The following CD36 variants were observed in gnomAD, a reference collection of about 807,000 sequenced individuals.
CD36 encodes the protein platelet glycoprotein 4.
CD36 carries 119 observed loss-of-function variants against 55.2 expected under a neutral mutation model. The observed-to-expected ratio is 2.15, with a 90% CI of 1.86 to 2.51. The LOEUF (loss-of-function observed/expected upper bound fraction) is 2.51. Ranked by LOEUF, CD36 falls within the 30% of genes most tolerant of loss-of-function variation. The pLI, the probability that CD36 is intolerant of heterozygous loss-of-function variation, is 0.00. For synonymous variants in CD36, 186 were observed against 193.6 expected, an observed-to-expected ratio of 0.96 and a Z score of 0.33; for missense variants, 819 against 555.5, an observed-to-expected ratio of 1.47 and a Z score of -4.77.
intron 12 of CD36, 60 bp from the exon 13 acceptor site, chr7:80,673,295 A>AGTTT: frequency 1.3e-6 from 1 of 764,396 alleles, no homozygotes; most frequent in African/African-American, 1.8e-5. Context: ...TTTATTTTAA[A>AGTTT]GTTTGTTATA....
intron 3 of CD36, among the ~76,000 whole-genome samples, chr7:80,650,022 A>AT (rs1795478478): frequency 1.3e-5 from 2 of 152,110 alleles, no homozygotes; most frequent in African/African-American, 2.4e-5. Flanking sequence ...AGAAGGGGGA[A>AT]TTAAATCAAT....
chr7:80,673,022 G>A (rs527675554), intron 12 of CD36, 179 bp downstream of exon 12: 32 of 592,830 alleles, frequency 5.4e-5, no homozygotes, highest in African/African-American at 5.4e-4. Context: ...TTTTGGAATG[G>A]TTTTATGGTT....
At chr7:80,662,014 TCAG>T (rs1186202552) in intron 5 of CD36, among the ~76,000 whole-genome samples, 1 of 152,152 alleles carries the variant, frequency 6.6e-6, no homozygotes, top group African/African-American at 2.4e-5. Flanking sequence ...TACAATTTCT[TCAG>T]CAAGCTCAGC....
chr7:80,649,835 G>C (rs1795461910), intron 3 of CD36, among the ~76,000 whole-genome samples: 1 of 151,852 alleles, frequency 6.6e-6, no homozygotes, highest in Admixed American at 6.6e-5. Context: ...AGTAGAAAAG[G>C]AAAAGAATGA....
chr7:80,603,247 G>A (rs1792342522), intron 1 of CD36, among the ~76,000 whole-genome samples: 1 of 151,906 alleles, frequency 6.6e-6, no homozygotes, highest in South Asian at 2.1e-4. Context: ...AAAAAGAAAA[G>A]CAGTTCCTTC....
chr7:80,614,477 G>A lies in CD36; in HGVS notation c.-184+12098G>A, dbSNP rs534900007. ...TTAGTTTACTCATTCCTTCTTCCTA[G>A]TAAGGTTCTTCTTTACTTGAGTCCA... is the stretch of plus-strand genomic sequence containing the variant. On this transcript the variant is annotated intron_variant, in intron 1 of 13. Coordinates refer to the CD36 transcript ENST00000309881. Among the ~76,000 whole-genome samples, 29 of 152,250 alleles carry A rather than the reference G, an allele frequency of 1.9e-4. No homozygotes were observed. The South Asian group carries it at 6.0e-3, about 32-fold the overall frequency.
intron 1 of CD36, among the ~76,000 whole-genome samples, chr7:80,614,462 C>T (rs565945898): frequency 8.2e-4 from 125 of 152,328 alleles, no homozygotes; most frequent in African/African-American, 2.9e-3. Flanking sequence ...TTAGTTTACT[C>T]ATTCCTTCTT....
At chr7:80,645,005 G>C (rs1209623704) in intron 1 of CD36, among the ~76,000 whole-genome samples, 1 of 140,452 alleles carries the variant, frequency 7.1e-6, no homozygotes, top group Non-Finnish European at 1.5e-5. Flanking sequence ...TTCACAAACT[G>C]TATTCTTTCT....
intron 10 of CD36, 45 bp from the exon 11 acceptor site, chr7:80,671,877 G>T: frequency 6.4e-7 from 1 of 1,574,592 alleles, no homozygotes. Context: ...TATGTGAAAT[G>T]AAGGAAGTTA....
At chr7:80,619,783 T>A (rs1208922899) in intron 1 of CD36, among the ~76,000 whole-genome samples, 2 of 152,064 alleles carry the variant, frequency 1.3e-5, no homozygotes, top group African/African-American at 2.4e-5. Context: ...TTGTGATTCA[T>A]AGGAAAGGTT....
At chr7:80,672,939 A>T (rs1399662873) in intron 12 of CD36, 96 bp downstream of exon 12, 3 of 787,238 alleles carry the variant, frequency 3.8e-6, no homozygotes. Context: ...AAGTGGAAAT[A>T]ACATCTGATA....
At chr7:80,620,501 T>C (rs936207342) in intron 1 of CD36, among the ~76,000 whole-genome samples, 1 of 152,146 alleles carries the variant, frequency 6.6e-6, no homozygotes, top group Non-Finnish European at 1.5e-5. Flanking sequence ...GGAAGGTGTG[T>C]GGAGCTTCCA....
At position 80,674,311 on chromosome 7, in the gene CD36, G is replaced by A. The variant is rs552866000; in HGVS notation, c.*164G>A. On this transcript the variant is annotated intron_variant, in intron 14 of 14. Transcript: ENST00000447544. ...TAAATAAACCTATAAATATTATCAC[G>A]CAGATCACTAAAGTATATCTTTAAT... 87 of 590,904 alleles carry A rather than the reference G, an allele frequency of 1.5e-4. 1 individual carries two copies. Among genetic ancestry groups the A allele is most frequent in the Admixed American group, 2.3e-4 (8 of 34,504 alleles). 36.6% of individuals were successfully genotyped at this position (590,904 alleles called of 1,614,324 possible).
chr7:80,656,219 T>C (rs1006594440), intron 3 of CD36, among the ~76,000 whole-genome samples: 4 of 152,168 alleles, frequency 2.6e-5, no homozygotes, highest in Non-Finnish European at 5.9e-5. Context: ...GCTTAATAAA[T>C]TATGTTGACT....
rs780687592 is a variant in CD36, at chr7:80,673,392, ATTC to A, written c.1240_1242del (p.Leu414del). The A allele has an allele frequency of 7.7e-5, 121 of 1,569,966 alleles. 1 individual carries two copies. The Middle Eastern group carries it at 1.2e-3, about 15-fold the overall frequency. ...TCTGAAGAGGAACTATATTGTGCCT[ATTC>A]TTTGGCTTAATGAGGTTTGTATTTG... On this transcript the variant is annotated inframe_deletion, in exon 13 of 15. Transcript: ENST00000447544.
In CD36 at chr7:80,667,757, T is replaced by G. The variant is rs1240913825; in HGVS notation, c.748+1268T>G. 1.3e-4 allele frequency among the ~76,000 whole-genome samples: 18 copies of G among 141,654 alleles called. No individual in the cohort carries two copies. In the East Asian group the frequency reaches 1.8e-3, roughly 14 times the overall value. The allele number at this position is 141,654 out of a possible 152,430, so 92.9% of individuals were successfully genotyped here. On this transcript the variant is annotated intron_variant, in intron 8 of 14. Transcript: ENST00000447544. Reference sequence around the variant, plus strand: ...CAGGGGTTTTCTTTTGTTTTTTTTTTTTTTTTTTTTTGAGACATAGTCTGG... The same window carrying G: ...CAGGGGTTTTCTTTTGTTTTTTTTTGTTTTTTTTTTTGAGACATAGTCTGG...
At chr7:80,633,221 A>C (rs1459858526) in intron 1 of CD36, 1 of 151,992 alleles carries the variant, frequency 6.6e-6, no homozygotes, top group Non-Finnish European at 1.5e-5. Context: ...AAGCTGTTCA[A>C]GTAAGAATTA....
chr7:80,611,595 GGA>G (rs1437086574), intron 1 of CD36, among the ~76,000 whole-genome samples: 2 of 152,174 alleles, frequency 1.3e-5, no homozygotes, highest in African/African-American at 2.4e-5. Context: ...TGAAAAGAGA[GGA>G]AAGTGTACCA....
intron 13 of CD36, 154 bp downstream of exon 13, chr7:80,673,563 C>G (rs888318485): frequency 3.3e-6 from 2 of 614,616 alleles, no homozygotes; most frequent in African/African-American, 3.7e-5. Context: ...TTGAGATGAT[C>G]CAATTGAACA....
Sources: allele counts gnomAD v4.1 joint callset (sites outside exome capture counted in the v4.1 genomes callset), GRCh38; gene constraint gnomAD v4.1.1; transcripts MANE v1.5; gene names NCBI Gene and HGNC (gene_info 2026-07-23, HGNC 2026-07-21).